Variants in NMBR observed in about 807,000 individuals in gnomAD.
The protein encoded by NMBR is neuromedin-B receptor.
NMBR carries 16 observed loss-of-function variants against 20.5 expected under a neutral mutation model. The ratio of observed to expected loss-of-function variants is 0.78; its 90% CI spans 0.53 to 1.19. The LOEUF is 1.19. Among genes scored for constraint, NMBR ranks in the 50% most tolerant of loss-of-function variants. The pLI is 0.00. For missense variants in NMBR, 582 were observed against 499.1 expected (o/e 1.17, Z -1.58); for synonymous variants, 212 against 196.6 (o/e 1.08, Z -0.65).
intron 3 of NMBR, among the ~76,000 whole-genome samples, chr6:142,077,733 A>T (rs2114552526): frequency 6.6e-6 from 1 of 152,284 alleles, no homozygotes; most frequent in South Asian, 2.1e-4. Context: ...TCTGCGATTC[A>T]ATTTCTTTGC....
intron 1 of NMBR, chr6:142,133,020 G>T: frequency 2.1e-6 from 1 of 482,164 alleles, no homozygotes; most frequent in Non-Finnish European, 3.7e-6. Flanking sequence ...AAGGAGGAGG[G>T]GAGAGAAATT....
intron 1 of NMBR, among the ~76,000 whole-genome samples, chr6:142,127,464 A>G (rs987511557): frequency 1.3e-5 from 2 of 151,910 alleles, no homozygotes; most frequent in African/African-American, 4.8e-5. Flanking sequence ...TGCTTTGGTT[A>G]TTTGGGATCT....
At chr6:142,109,052 C>T (rs917689536) in intron 1 of NMBR, among the ~76,000 whole-genome samples, 1 of 152,238 alleles carries the variant, frequency 6.6e-6, no homozygotes, top group Non-Finnish European at 1.5e-5. Context: ...TCAGCTGATG[C>T]ATGAGGTGGG....
chr6:142,116,812 G>A (rs949036889), intron 1 of NMBR, among the ~76,000 whole-genome samples: 1 of 151,758 alleles, frequency 6.6e-6, no homozygotes, highest in African/African-American at 2.4e-5. Flanking sequence ...TATTATTACT[G>A]TAAATGTTAT....
chr6:142,083,360 T>C (rs1448845934), intron 2 of NMBR, among the ~76,000 whole-genome samples: 8 of 152,244 alleles, frequency 5.3e-5, no homozygotes. Flanking sequence ...AACCTATGAC[T>C]CACATTTTGT....
intron 3 of NMBR, among the ~76,000 whole-genome samples, chr6:142,078,042 C>T (rs1246677983): frequency 6.6e-6 from 1 of 152,124 alleles, no homozygotes; most frequent in Non-Finnish European, 1.5e-5. Context: ...TTGGATTGCA[C>T]CTTTGGGTTC....
chr6:142,116,846 AATT>A (rs1483774579), intron 1 of NMBR, among the ~76,000 whole-genome samples: 7 of 152,152 alleles, frequency 4.6e-5, no homozygotes, highest in African/African-American at 1.7e-4. Context: ...AATAAGCCAT[AATT>A]ATTATCATTG....
At chr6:142,092,323 A>G (rs1162805069) in intron 1 of NMBR, among the ~76,000 whole-genome samples, 1 of 152,132 alleles carries the variant, frequency 6.6e-6, no homozygotes, top group African/African-American at 2.4e-5. Flanking sequence ...ATAAAAACTT[A>G]GTAGATAATA....
chr6:142,143,001 CTT>C (rs1282528540), intron 1 of NMBR, among the ~76,000 whole-genome samples: 1 of 152,132 alleles, frequency 6.6e-6, no homozygotes, highest in Non-Finnish European at 1.5e-5. Context: ...AAGAGGATGA[CTT>C]GAGCCCAGGA....
intron 1 of NMBR, among the ~76,000 whole-genome samples, chr6:142,114,174 A>C (rs907624340): frequency 2.6e-5 from 4 of 152,194 alleles, no homozygotes; most frequent in African/African-American, 7.2e-5. Context: ...ATATTGCCAG[A>C]AAAGAGGATT....
intron 2 of NMBR, among the ~76,000 whole-genome samples, chr6:142,087,988 A>G (rs1777230479): frequency 6.6e-6 from 1 of 152,150 alleles, no homozygotes; most frequent in Non-Finnish European, 1.5e-5. Context: ...AGGAGATGCA[A>G]TTTTAAATGC....
At chr6:142,131,323 C>A (rs762643456) in intron 1 of NMBR, among the ~76,000 whole-genome samples, 4 of 152,080 alleles carry the variant, frequency 2.6e-5, no homozygotes, top group Non-Finnish European at 5.9e-5. Flanking sequence ...TTTCATACAC[C>A]CACACCTCTG....
At chr6:142,122,724 C>T (rs1777965441) in intron 1 of NMBR, among the ~76,000 whole-genome samples, 1 of 151,898 alleles carries the variant, frequency 6.6e-6, no homozygotes, top group Admixed American at 6.6e-5. Flanking sequence ...GCTAAATCTA[C>T]TCTGCCTGCA....
intron 1 of NMBR, among the ~76,000 whole-genome samples, chr6:142,110,135 T>G (rs1016348557): frequency 1.3e-5 from 2 of 152,170 alleles, no homozygotes; most frequent in Non-Finnish European, 2.9e-5. Flanking sequence ...AAATTTAAAG[T>G]GGTGTAGCCG....
At chr6:142,133,101 C>A in intron 1 of NMBR, 1 of 614,704 alleles carries the variant, frequency 1.6e-6, no homozygotes. Context: ...CAGAAGCAAA[C>A]TGGCAATGTG....
At chr6:142,098,409 C>G (rs936480829) in intron 1 of NMBR, among the ~76,000 whole-genome samples, 5 of 152,078 alleles carry the variant, frequency 3.3e-5, no homozygotes, top group Non-Finnish European at 5.9e-5. Flanking sequence ...TAACAAATAA[C>G]ATGATTATCT....
At position 142,079,457 on chromosome 6, in the gene NMBR, G is replaced by T. The variant is rs558783851; in HGVS notation, c.423-554C>A. Among the ~76,000 whole-genome samples, 5 of 152,034 alleles carry T rather than the reference G, an allele frequency of 3.3e-5. No homozygotes were observed. In the East Asian group the frequency reaches 9.7e-4, roughly 29 times the overall value. ...TAGTCATTTCATTTCCAAAATCCTGGACATTAGTTTACCTCTTAAATTCTT... is the reference window on the plus strand; with the variant it reads ...TAGTCATTTCATTTCCAAAATCCTGTACATTAGTTTACCTCTTAAATTCTT... On this transcript the variant is annotated intron_variant, in intron 2 of 3. Transcript: ENST00000258042.
intron 1 of NMBR, among the ~76,000 whole-genome samples, chr6:142,091,078 T>G (rs931611196): frequency 2.0e-5 from 3 of 152,140 alleles, no homozygotes; most frequent in African/African-American, 7.2e-5. Flanking sequence ...TTTTAATAAT[T>G]TTTTTGGTAT....
chr6:142,142,602 T>C (rs78039174), intron 1 of NMBR, among the ~76,000 whole-genome samples: 2,002 of 152,136 alleles, frequency 0.013, 55 homozygotes, highest in African/African-American at 0.045. Flanking sequence ...CAAGGCTTTC[T>C]ACTTTTTCCA....
Sources: allele counts gnomAD v4.1 joint callset (sites outside exome capture counted in the v4.1 genomes callset), GRCh38; gene constraint gnomAD v4.1.1; transcripts MANE v1.5; gene names NCBI Gene and HGNC (gene_info 2026-07-23, HGNC 2026-07-21).